The following RABGAP1 variants were observed in gnomAD, a reference collection of about 807,000 sequenced individuals.
The protein encoded by RABGAP1 is RAB GTPase activating protein 1, also known as rab GTPase-activating protein 1.
Under a neutral mutation model 137.6 loss-of-function variants are expected in RABGAP1, and 23 were observed. The observed-to-expected ratio is 0.17, with a 90% CI of 0.12 to 0.24. The LOEUF (loss-of-function observed/expected upper bound fraction) is 0.24, where lower values mean the gene tolerates loss of function less well. Ranked by LOEUF, RABGAP1 falls within the 10% of genes least tolerant of loss-of-function variation. The pLI is 1.00. For missense variants in RABGAP1, 906 were observed against 1,275.8 expected (o/e 0.71, Z 4.42); for synonymous variants, 451 against 450.7 (o/e 1.00, Z -0.01).
rs1461776397 is a variant in RABGAP1 at position 123,010,531 on chromosome 9, A to C, written c.1549+3A>C. 6.2e-7 allele frequency: 1 copy of C among 1,611,842 alleles called. No homozygotes were observed. Among genetic ancestry groups the C allele is most frequent in the Non-Finnish European group, 8.5e-7 (1 of 1,178,110 alleles). On this transcript the variant is annotated splice_donor_region_variant and intron_variant, in intron 11 of 25. Coordinates refer to ENST00000373647, the MANE Select transcript of RABGAP1 (RefSeq NM_012197.4). ...TCCAGAAGATGATGAAGAGGAAGGT[A>C]AACTGTAGGGATAGCTTAATTTATT...
intron 13 of RABGAP1, among the ~76,000 whole-genome samples, chr9:123,057,854 C>G (rs1254424738): frequency 6.6e-6 from 1 of 152,202 alleles, no homozygotes; most frequent in Non-Finnish European, 1.5e-5. Context: ...AGCTGGAGAC[C>G]AGCCCCGCCA....
chr9:122,968,659 C>G (rs664242), intron 2 of RABGAP1, among the ~76,000 whole-genome samples: 148,775 of 152,256 alleles, frequency 0.98, 72,791 homozygotes, highest in East Asian at 1. Context: ...CTGTCACCCA[C>G]GCTGGAGTAA....
intron 16 of RABGAP1, 48 bp from the exon 17 acceptor site, chr9:123,074,237 A>C (rs768150278): frequency 6.2e-7 from 1 of 1,606,892 alleles, no homozygotes; most frequent in South Asian, 1.1e-5. Flanking sequence ...CTTAGTGGGA[A>C]TTGGACAGAT....
At chr9:122,970,303 GT>G (rs111433213) in intron 2 of RABGAP1, among the ~76,000 whole-genome samples, 3 of 152,124 alleles carry the variant, frequency 2.0e-5, no homozygotes, top group African/African-American at 7.2e-5. Context: ...GTGTGATAGT[GT>G]GTACCTGTAG....
At chr9:123,087,574 A>G (rs957306356) in intron 19 of RABGAP1, among the ~76,000 whole-genome samples, 3 of 152,230 alleles carry the variant, frequency 2.0e-5, no homozygotes, top group African/African-American at 7.2e-5. Context: ...AGTTTACCCT[A>G]GCATTGGGCC....
chr9:123,067,971 G>T (rs1414617159), intron 14 of RABGAP1, among the ~76,000 whole-genome samples: 3 of 152,102 alleles, frequency 2.0e-5, no homozygotes, highest in Admixed American at 2.0e-4. Context: ...TAAATGAGAG[G>T]ACTAAATGAG....
intron 1 of RABGAP1, among the ~76,000 whole-genome samples, chr9:122,952,192 A>T (rs1276551283): frequency 6.6e-6 from 1 of 152,214 alleles, no homozygotes; most frequent in Non-Finnish European, 1.5e-5. Context: ...AAGGCTGGGT[A>T]CGGCAGTTTA....
Position 122,996,155 on chromosome 9 carries a change from A to G in RABGAP1, c.1034+4A>G. On this transcript the variant is annotated splice_donor_region_variant and intron_variant, in intron 7 of 25. Transcript: ENST00000373647. ...ATAAAGAACTTGCCATTGAAAGGTA[A>G]GCATTTTTAGTAAGTTTAGCTTAAA... 1 of 1,604,270 alleles carries G rather than the reference A, an allele frequency of 6.2e-7. No individual in the cohort carries two copies. Among genetic ancestry groups the G allele is most frequent in the Non-Finnish European group, 8.5e-7 (1 of 1,177,492 alleles).
chr9:123,044,138 C>G (rs535590225), intron 13 of RABGAP1, among the ~76,000 whole-genome samples: 1 of 151,978 alleles, frequency 6.6e-6, no homozygotes, highest in Non-Finnish European at 1.5e-5. Flanking sequence ...CTTCTGACCT[C>G]GTGATCCGCC....
chr9:122,933,987 T>C, the RABGAP1 span, among the ~76,000 whole-genome samples: 94 of 152,162 alleles, frequency 6.2e-4, no homozygotes, highest in Middle Eastern at 3.4e-3. Flanking sequence ...AGGCTGCTCT[T>C]GGACTCCTGG....
At chr9:122,944,564 T>TCGCCCAGGCTGGAGTGTGG (rs1289407903) in intron 1 of RABGAP1, among the ~76,000 whole-genome samples, 10 of 151,796 alleles carry the variant, frequency 6.6e-5, no homozygotes, top group Non-Finnish European at 1.5e-4. Flanking sequence ...TCTCACTCTG[T>TCGCCCAGGCTGGAGTGTGG]CGCCCAGGCT....
At chr9:123,082,071 T>A (rs1395980079) in intron 19 of RABGAP1, among the ~76,000 whole-genome samples, 1 of 142,380 alleles carries the variant, frequency 7.0e-6, no homozygotes, top group African/African-American at 2.6e-5. Context: ...CCCTTGGAAA[T>A]TTTTTTTTTT....
At chr9:123,074,917 G>T (rs932584681) in intron 17 of RABGAP1, among the ~76,000 whole-genome samples, 27 of 152,024 alleles carry the variant, frequency 1.8e-4, no homozygotes, top group East Asian at 7.7e-4. Flanking sequence ...CCACTTTATG[G>T]TCAGAACTTA....
chr9:122,950,377 C>CTTTTTTATTTTTTTTTTT (rs1834168365), intron 1 of RABGAP1, among the ~76,000 whole-genome samples: 1 of 74,492 alleles, frequency 1.3e-5, no homozygotes, highest in Non-Finnish European at 2.4e-5. Context: ...CTTTTTCTTT[C>CTTTTTTATTTTTTTTTTT]TTTTTTTTTT....
intron 6 of RABGAP1, chr9:122,990,772 A>G (rs1277466988): frequency 8.8e-4 from 14 of 15,856 alleles, no homozygotes; most frequent in African/African-American, 1.9e-3. Context: ...TCCGTCTCAA[A>G]AAAAAAAAAA....
At chr9:123,057,930 G>C (rs1305819677) in intron 13 of RABGAP1, among the ~76,000 whole-genome samples, 1 of 152,202 alleles carries the variant, frequency 6.6e-6, no homozygotes, top group Non-Finnish European at 1.5e-5. Context: ...GCGCGCGCCT[G>C]CAATCACAGG....
chr9:123,010,309 T>A (rs775584270), intron 10 of RABGAP1, 45 bp from the exon 11 acceptor site: 2 of 1,489,948 alleles, frequency 1.3e-6, no homozygotes, highest in Non-Finnish European at 9.1e-7. Flanking sequence ...ATTAAAAACA[T>A]AAAGAACTTT....
chr9:123,078,407 C>T (rs543162137), intron 19 of RABGAP1, among the ~76,000 whole-genome samples: 4 of 151,960 alleles, frequency 2.6e-5, no homozygotes, highest in South Asian at 2.1e-4. Flanking sequence ...TGGGGATTAG[C>T]GACGATATCG....
At chr9:122,956,485 C>G (rs1478408825) in intron 1 of RABGAP1, among the ~76,000 whole-genome samples, 2 of 151,912 alleles carry the variant, frequency 1.3e-5, no homozygotes, top group African/African-American at 4.8e-5. Context: ...CCCGTCTCTA[C>G]GAAAAATACA....
Sources: allele counts gnomAD v4.1 joint callset (sites outside exome capture counted in the v4.1 genomes callset), GRCh38; gene constraint gnomAD v4.1.1; transcripts MANE v1.5; gene names NCBI Gene and HGNC (gene_info 2026-07-23, HGNC 2026-07-21).